The following ERI2 variants were observed in gnomAD, a reference collection of about 807,000 sequenced individuals.
The protein encoded by ERI2 is ERI1 exoribonuclease family member 2.
In ERI2, 35 loss-of-function variants were observed where a neutral mutation model predicts 46.8. The observed-to-expected ratio is 0.75, with a 90% CI of 0.57 to 0.99. ERI2 has a LOEUF of 0.99. Ranked by LOEUF, ERI2 falls within the 50% of genes least tolerant of loss-of-function variation. The pLI is 0.00. For missense variants in ERI2, 695 were observed against 796.2 expected, an observed-to-expected ratio of 0.87 and a Z score of 1.53; for synonymous variants, 224 against 271.0, an observed-to-expected ratio of 0.83 and a Z score of 1.70.
rs1404764954 is a variant in ERI2, at chr16:20,797,710, T to C, written c.*14A>G. 2 of 1,518,974 alleles carry C rather than the reference T, an allele frequency of 1.3e-6. No individual in the cohort carries two copies. Among genetic ancestry groups the C allele is most frequent in the Admixed American group, 2.3e-5 (1 of 43,502 alleles). The allele number at this position is 1,518,974 out of a possible 1,614,324, so 94.1% of individuals were successfully genotyped here. The stretch of plus-strand genomic sequence containing the variant: ...AAATTCAAGGAACAATTAGGATTCA[T>C]ACATGAAAGGTTATCAATTCCTCAT... On this transcript the variant is annotated 3_prime_UTR_variant, in exon 9 of 9. Coordinates refer to ENST00000357967, the MANE Select transcript of ERI2 (RefSeq NM_001142725.2).
In ERI2 at chr16:20,802,833, A is replaced by T. The variant is rs1244077549; in HGVS notation, c.266T>A (p.Leu89His). ...AYVQPQEHPILSEFCMELTGI... is the reference protein window; with the variant it reads ...AYVQPQEHPIHSEFCMELTGI... ...TGTCAATTCCATGCAAAATTCTGAA[A>T]GAATTGGATGTTCCTGAGGTTGAAC... The change falls in exon 4 of 9, where the codon CTT (leucine) becomes CAT (histidine). Residue 89 changes from leucine (L) to histidine (H), a missense_variant. By Grantham distance (99) the Leu-to-His change is moderately conservative. Coordinates refer to ENST00000357967, the MANE Select transcript of ERI2 (RefSeq NM_001142725.2). 1 of 1,610,738 alleles carries T rather than the reference A, an allele frequency of 6.2e-7. No homozygotes were observed. The highest frequency in any genetic ancestry group is 8.5e-7 in the Non-Finnish European group (1 of 1,177,630).
intron 3 of ERI2, among the ~76,000 whole-genome samples, 198 bp downstream of exon 3, chr16:20,803,235 G>A (rs1596552185): frequency 6.6e-6 from 1 of 152,114 alleles, no homozygotes; most frequent in East Asian, 1.9e-4. Context: ...GGTGTTGTAT[G>A]TAATATAAAA....
chr16:20,789,551 T>A (rs2080548057), exon 10 of ERI2: 2 of 1,611,490 alleles, frequency 1.2e-6, no homozygotes, highest in Non-Finnish European at 1.7e-6. Flanking sequence ...TTCTGTAGGT[T>A]CCACAGCTAA....
chr16:20,798,724 T>G lies in ERI2; in HGVS notation c.1076A>C (p.Asn359Thr). 4 of 1,551,640 alleles carry G rather than the reference T, an allele frequency of 2.6e-6. No homozygotes were observed. The highest frequency in any genetic ancestry group is 3.5e-6 in the Non-Finnish European group (4 of 1,146,912). Residue 359 changes from asparagine (N) to threonine (T), a missense_variant, in exon 9 of 9, where the codon AAT becomes ACT. Transcript: ENST00000357967. Reference sequence around the variant, plus strand: ...TTTGGTATTAAATGCAAGATGTTCATTTTTTCCTTGCTTTTGCATATAGAT... The same window carrying G: ...TTTGGTATTAAATGCAAGATGTTCAGTTTTTCCTTGCTTTTGCATATAGAT... ...SPIYMQKQGK[N>T]EHLAFNTKSK...
chr16:20,781,064 G>A (rs761988200), intron 10 of ERI2: 30 of 1,613,952 alleles, frequency 1.9e-5, no homozygotes, highest in East Asian at 6.7e-5. Flanking sequence ...TTTTTTCTCC[G>A]TGGATCCAGG....
At chr16:20,782,601 T>C (rs2080377046) in intron 10 of ERI2, among the ~76,000 whole-genome samples, 2 of 152,210 alleles carry the variant, frequency 1.3e-5, no homozygotes, top group Admixed American at 1.3e-4. Flanking sequence ...AGTCTGACAT[T>C]ATCTCCGTGG....
At chr16:20,795,238 C>G (rs1379552392), downstream of ERI2, among the ~76,000 whole-genome samples, 5 of 152,132 alleles carry the variant, frequency 3.3e-5, no homozygotes, top group African/African-American at 1.2e-4. Context: ...CCAGTCTGCT[C>G]TCGAACTCCT....
In ERI2 at chr16:20,780,984, G is replaced by T. The variant is rs758785123; in HGVS notation, c.895-250C>A. 5 of 1,614,134 alleles carry T rather than the reference G, an allele frequency of 3.1e-6. No individual in the cohort carries two copies. The Admixed American group carries it at 8.3e-5, about 27-fold the overall frequency. ...TCTTTGTTTTCCCAGGTTCTGGCTA[G>T]ATTTGACACCCTCAGATGTGATGTG... is the stretch of plus-strand genomic sequence containing the variant. On this transcript the variant is annotated intron_variant, in intron 10 of 10. Transcript: ENST00000300005.
chr16:20,799,414 G>C, intron 7 of ERI2, 63 bp from the exon 8 acceptor site: 1 of 1,449,244 alleles, frequency 6.9e-7, no homozygotes, highest in Admixed American at 2.3e-5. Flanking sequence ...TAGTACTAAA[G>C]AAATAACTTA....
intron 1 of ERI2, 26 bp from the exon 2 acceptor site, chr16:20,803,696 T>C (rs1783879486): frequency 6.2e-7 from 1 of 1,611,060 alleles, no homozygotes; most frequent in African/African-American, 1.3e-5. Context: ...AATCCAAATA[T>C]GATCAATGAA....
At chr16:20,795,127 C>T (rs1175638594), downstream of ERI2, among the ~76,000 whole-genome samples, 1 of 152,194 alleles carries the variant, frequency 6.6e-6, no homozygotes, top group African/African-American at 2.4e-5. Context: ...TAGACACACA[C>T]ACACACAAGG....
rs1215746557 is a variant in ERI2 at position 20,802,679 on chromosome 16, T to C, written c.303+117A>G. Reference sequence around the variant, plus strand: ...TCTCGAACATCAGCCTGCAAAGTGCTGGGATTACAGGCATAAGCCATCATG... The same window carrying C: ...TCTCGAACATCAGCCTGCAAAGTGCCGGGATTACAGGCATAAGCCATCATG... On this transcript the variant is annotated intron_variant, in intron 4 of 8. Transcript: ENST00000357967. 3 of 1,234,906 alleles carry C rather than the reference T, an allele frequency of 2.4e-6. No homozygotes were observed. In the East Asian group the frequency reaches 8.0e-5, roughly 33 times the overall value. 76.5% of individuals were successfully genotyped at this position (1,234,906 alleles called of 1,614,324 possible).
Position 20,801,219 on chromosome 16 carries a change from T to C in ERI2, c.444A>G (p.Ala148=). ...ATTCTTTACCTGACCAAGTAACAAA[T>C]GCACATAATTTTACTTCAGAAGCAG... is the stretch of plus-strand genomic sequence containing the variant. ...EPSASEVKLC[A]FVTWSDWDLG... Residue 148 remains alanine (A), a synonymous_variant, in exon 5 of 9, where the codon GCA becomes GCG. Transcript: ENST00000357967. 1 of 1,610,910 alleles carries C rather than the reference T, an allele frequency of 6.2e-7. No homozygotes were observed. The highest frequency in any genetic ancestry group is 8.5e-7 in the Non-Finnish European group (1 of 1,178,864).
At chr16:20,799,404 T>C in intron 7 of ERI2, 53 bp from the exon 8 acceptor site, 2 of 1,533,432 alleles carry the variant, frequency 1.3e-6, no homozygotes, top group African/African-American at 1.4e-5. Context: ...ACTATTTCCT[T>C]AGTACTAAAG....
chr16:20,781,856 C>G, intron 10 of ERI2: 1 of 1,241,782 alleles, frequency 8.1e-7, no homozygotes, highest in Non-Finnish European at 1.2e-6. Flanking sequence ...AATAAAAGAT[C>G]TTTCTGCCTG....
At chr16:20,780,623 G>C (rs755200190) in exon 11 of ERI2, 60 of 1,612,174 alleles carry the variant, frequency 3.7e-5, no homozygotes, top group Non-Finnish European at 4.8e-5. Context: ...GACATGAAGA[G>C]GTTCAAGTGG....
rs1415982524 is a variant in ERI2 at position 20,796,344 on chromosome 16, C to A, written c.*1380G>T. On this transcript the variant is annotated 3_prime_UTR_variant, in exon 9 of 9. Coordinates refer to ENST00000357967, the MANE Select transcript of ERI2 (RefSeq NM_001142725.2). ...AACATACAAATGCATAACTCATTTT[C>A]CTGGTGTTTCAAATATTTATTTTAG... 1 of 1,601,024 alleles carries A rather than the reference C, an allele frequency of 6.2e-7. No individual in the cohort carries two copies. Among genetic ancestry groups the A allele is most frequent in the East Asian group, 2.2e-5 (1 of 44,780 alleles).
chr16:20,794,759 C>G (rs1202094044), downstream of ERI2, among the ~76,000 whole-genome samples: 3 of 152,168 alleles, frequency 2.0e-5, no homozygotes, highest in Admixed American at 2.0e-4. Flanking sequence ...ATCTCTTTTA[C>G]AGAGAAGGAA....
At chr16:20,783,423 G>A (rs2080397021) in intron 10 of ERI2, 1 of 152,058 alleles carries the variant, frequency 6.6e-6, no homozygotes. Flanking sequence ...TATACTGGTT[G>A]GGCTGCCCTA....
Sources: gnomAD v4.1 joint callset for allele counts (sites outside exome capture counted in the v4.1 genomes callset) on GRCh38, gnomAD v4.1.1 for gene constraint, MANE v1.5 for transcripts, NCBI Gene and HGNC (gene_info 2026-07-23, HGNC 2026-07-21) for gene names.